ITIH5: variants seen among roughly 807,000 people sequenced by gnomAD.
The protein encoded by ITIH5 is inter-alpha-trypsin inhibitor heavy chain 5.
ITIH5 carries 65 observed loss-of-function variants against 77.5 expected under a neutral mutation model. That is an observed-to-expected ratio of 0.84 (90% CI 0.69 to 1.03). The LOEUF (loss-of-function observed/expected upper bound fraction) is 1.03. Among genes scored for constraint, ITIH5 ranks in the 50% least tolerant of loss-of-function variants. The pLI is 0.00. For synonymous variants in ITIH5, 525 were observed against 494.3 expected (o/e 1.06, Z -0.82); for missense variants, 1,208 against 1,213.1 (o/e 1.00, Z 0.06).
Position 7,580,023 on chromosome 10 carries a change from G to A in ITIH5, c.1150C>T (p.Leu384Phe), listed in dbSNP as rs369937475. 3.1e-6 allele frequency: 5 copies of A among 1,612,306 alleles called. No homozygotes were observed. The highest frequency in any genetic ancestry group is 4.2e-6 in the Non-Finnish European group (5 of 1,179,606). Residue 384 changes from leucine (L) to phenylalanine (F), a missense_variant, in exon 9 of 14, where the codon CTC (leucine) becomes TTC (phenylalanine). Leu to Phe is a conservative substitution (Grantham distance 22). Transcript: ENST00000397146. ...CCACTGTGGGCCACGTACTTGTTGA[G>A]GAGCCTGATGGCCCTCTGCAGGGCC... Reference protein sequence around the residue: ...NGALQRAIRLLNKYVAHSGIG... With the variant: ...NGALQRAIRLFNKYVAHSGIG...
intron 2 of ITIH5, among the ~76,000 whole-genome samples, chr10:7,653,065 T>A (rs1834125825): frequency 6.6e-6 from 1 of 152,230 alleles, no homozygotes; most frequent in Non-Finnish European, 1.5e-5. Context: ...TATCACTTCC[T>A]AAGTAAGAGA....
chr10:7,633,254 T>A (rs919011593), intron 5 of ITIH5, among the ~76,000 whole-genome samples: 1 of 152,220 alleles, frequency 6.6e-6, no homozygotes, highest in Admixed American at 6.5e-5. Flanking sequence ...ACCACGTACC[T>A]GTGTTAACTA....
In ITIH5 at chr10:7,628,871, CCGTGTTG is replaced by C. The variant is rs1260806626; in HGVS notation, c.652+8350_652+8356del. Among the ~76,000 whole-genome samples the C allele has an allele frequency of 6.6e-5, 9 of 136,702 alleles. 1 individual carries two copies. Among genetic ancestry groups the C allele is most frequent in the South Asian group, 2.5e-4 (1 of 4,072 alleles). The allele number at this position is 136,702 out of a possible 152,430, so 89.7% of individuals were successfully genotyped here. A position where few individuals can be genotyped will look rare whatever the true frequency, so the allele number is the denominator to read the frequency against. Reference sequence around the variant, plus strand: ...CGTGTGTCCCTGTTGTAGCGTGTGTCCGTGTTGTAGCGTGTGTCCGTGTTGTGGCATG... The same window carrying C: ...CGTGTGTCCCTGTTGTAGCGTGTGTCTAGCGTGTGTCCGTGTTGTGGCATG... On this transcript the variant is annotated intron_variant, in intron 5 of 13. Transcript: ENST00000397146.
In ITIH5 at chr10:7,614,309, A is replaced by G. The variant is rs1833319427; in HGVS notation, c.939+1673T>C. ...TTAAAGAACCACTAAAAGCTGATTC[A>G]CAGAGCAAGGTTATTTTCCCCCTAC... is the stretch of plus-strand genomic sequence containing the variant. On this transcript the variant is annotated intron_variant, in intron 7 of 13. Transcript: ENST00000397146. Among the ~76,000 whole-genome samples, 3 of 152,186 alleles carry G rather than the reference A, an allele frequency of 2.0e-5. No individual in the cohort carries two copies. The South Asian group carries it at 6.2e-4, about 31-fold the overall frequency.
At chr10:7,611,958 T>C (rs1833254738) in intron 7 of ITIH5, among the ~76,000 whole-genome samples, 1 of 151,698 alleles carries the variant, frequency 6.6e-6, no homozygotes, top group South Asian at 2.1e-4. Context: ...GTTCATTGAT[T>C]ACCTTAAGCC....
rs1281337719 is a variant in ITIH5 at position 7,559,750 on chromosome 10, T to C, written c.*3333A>G. On this transcript the variant is annotated 3_prime_UTR_variant, in exon 14 of 14. Coordinates refer to ENST00000397146, the MANE Select transcript of ITIH5 (RefSeq NM_030569.7). Reference sequence around the variant, plus strand: ...AAGATCAAGGTGCCAGCAGACATGGTGTCTGGTGAGGGCCGTCTTCCTGGC... The same window carrying C: ...AAGATCAAGGTGCCAGCAGACATGGCGTCTGGTGAGGGCCGTCTTCCTGGC... 1 of 449,200 alleles carries C rather than the reference T, an allele frequency of 2.2e-6. No homozygotes were observed. Among genetic ancestry groups the C allele is most frequent in the Non-Finnish European group, 4.5e-6 (1 of 224,574 alleles). The allele number at this position is 449,200 out of a possible 1,614,324, so 27.8% of individuals were successfully genotyped here. A position where few individuals can be genotyped will look rare whatever the true frequency, so the allele number is the denominator to read the frequency against.
At chr10:7,584,618 A>G (rs1452021078) in intron 8 of ITIH5, among the ~76,000 whole-genome samples, 3 of 151,994 alleles carry the variant, frequency 2.0e-5, no homozygotes, top group Non-Finnish European at 4.4e-5. Context: ...CCATTTTCTA[A>G]AGCTGTTTAT....
At chr10:7,565,006 CTACATATA>C (rs1010930073) in intron 13 of ITIH5, among the ~76,000 whole-genome samples, 7 of 125,612 alleles carry the variant, frequency 5.6e-5, no homozygotes, top group Non-Finnish European at 1.1e-4. Flanking sequence ...GACTGTATAC[CTACATATA>C]TACATATATA....
intron 1 of ITIH5, among the ~76,000 whole-genome samples, chr10:7,656,327 A>T (rs1834180889): frequency 6.6e-6 from 1 of 152,076 alleles, no homozygotes; most frequent in African/African-American, 2.4e-5. Context: ...CCATCCCCCG[A>T]CTTCAACCTC....
intron 2 of ITIH5, among the ~76,000 whole-genome samples, chr10:7,655,262 C>T (rs2131106116): frequency 6.6e-6 from 1 of 152,240 alleles, no homozygotes; most frequent in Admixed American, 6.5e-5. Context: ...TCACGTGATG[C>T]TTTAGTCTAC....
chr10:7,649,121 G>C (rs111882834), intron 2 of ITIH5, among the ~76,000 whole-genome samples: 2 of 151,828 alleles, frequency 1.3e-5, no homozygotes, highest in Non-Finnish European at 2.9e-5. Context: ...TTGTAAACAC[G>C]AAGAACAGAA....
chr10:7,613,414 T>A (rs1027481240), intron 7 of ITIH5, among the ~76,000 whole-genome samples: 1 of 152,128 alleles, frequency 6.6e-6, no homozygotes, highest in Non-Finnish European at 1.5e-5. Context: ...GGAAAAACTT[T>A]GGGAAACCTA....
chr10:7,612,813 G>A (rs537603160), intron 7 of ITIH5, among the ~76,000 whole-genome samples: 50 of 152,240 alleles, frequency 3.3e-4, no homozygotes, highest in African/African-American at 9.6e-4. Flanking sequence ...CATACTGATC[G>A]TATGTAAGCC....
At chr10:7,630,434 A>T (rs1000481406) in intron 5 of ITIH5, among the ~76,000 whole-genome samples, 4 of 152,180 alleles carry the variant, frequency 2.6e-5, no homozygotes, top group Non-Finnish European at 5.9e-5. Context: ...TTCATTTTAC[A>T]TTCCTACCAG....
At chr10:7,569,950 AAAC>A (rs373937729) in intron 11 of ITIH5, among the ~76,000 whole-genome samples, 166 bp from the exon 12 acceptor site, 51 of 152,326 alleles carry the variant, frequency 3.3e-4, no homozygotes, top group African/African-American at 1.1e-3. Flanking sequence ...AGTGGGAGGG[AAAC>A]AACTCCCCAG....
At chr10:7,625,773 A>AG (rs540193297) in intron 5 of ITIH5, among the ~76,000 whole-genome samples, 1 of 149,682 alleles carries the variant, frequency 6.7e-6, no homozygotes, top group African/African-American at 2.5e-5. Context: ...TCAAAAAAAA[A>AG]AAAGAAAGAA....
intron 11 of ITIH5, among the ~76,000 whole-genome samples, 160 bp from the exon 12 acceptor site, chr10:7,569,944 G>T (rs959899768): frequency 6.6e-6 from 1 of 152,150 alleles, no homozygotes; most frequent in Non-Finnish European, 1.5e-5. Context: ...AAGATGAGTG[G>T]GAGGGAAACA....
chr10:7,644,954 C>CAT (rs372184238), intron 2 of ITIH5, among the ~76,000 whole-genome samples: 442 of 10,418 alleles, frequency 0.042, 15 homozygotes, highest in East Asian at 0.056. Flanking sequence ...ATATATATCA[C>CAT]ACATATATAT....
intron 8 of ITIH5, among the ~76,000 whole-genome samples, chr10:7,582,433 T>C (rs946059714): frequency 7.1e-6 from 1 of 140,914 alleles, no homozygotes; most frequent in African/African-American, 2.6e-5. Context: ...GACCTTACTG[T>C]AGTGTGAACA....
Sources: gnomAD v4.1 joint callset for allele counts (sites outside exome capture counted in the v4.1 genomes callset) on GRCh38, gnomAD v4.1.1 for gene constraint, MANE v1.5 for transcripts, NCBI Gene and HGNC (gene_info 2026-07-23, HGNC 2026-07-21) for gene names.